CLASP1: variants seen among roughly 807,000 people sequenced by gnomAD.
CLASP1 encodes the protein CLIP-associating protein 1.
Under a neutral mutation model 192.3 loss-of-function variants are expected in CLASP1, and 38 were observed. The observed-to-expected ratio is 0.20, with a 90% CI of 0.15 to 0.26. The LOEUF is 0.26. Among genes scored for constraint, CLASP1 ranks in the 10% least tolerant of loss-of-function variants. CLASP1 has a pLI of 1.00. For synonymous variants in CLASP1, 691 were observed against 712.8 expected (o/e 0.97, Z 0.49); for missense variants, 1,433 against 1,932.5 (o/e 0.74, Z 4.85).
chr2:121,591,762 C>A (rs765702066), intron 2 of CLASP1, among the ~76,000 whole-genome samples: 22 of 152,162 alleles, frequency 1.4e-4, no homozygotes, highest in African/African-American at 5.1e-4. Context: ...ATCCACAAAG[C>A]TTTTAAGGAT....
At chr2:121,425,045 A>G in intron 22 of CLASP1, 94 bp downstream of exon 22, 1 of 1,261,272 alleles carries the variant, frequency 7.9e-7, no homozygotes, top group African/African-American at 1.5e-5. Context: ...CAAAAAATAG[A>G]TCTATATTTC....
chr2:121,561,812 A>G (rs557480593), intron 2 of CLASP1, among the ~76,000 whole-genome samples: 53 of 152,372 alleles, frequency 3.5e-4, no homozygotes, highest in African/African-American at 1.2e-3. Context: ...TGCCAAAGTT[A>G]GAGTTGATAC....
intron 39 of CLASP1, among the ~76,000 whole-genome samples, chr2:121,341,949 G>C (rs1203019826): frequency 6.6e-6 from 1 of 151,820 alleles, no homozygotes; most frequent in Admixed American, 6.6e-5. Flanking sequence ...AGTTTAAATA[G>C]ATTTAAAAAG....
intron 28 of CLASP1, among the ~76,000 whole-genome samples, chr2:121,400,265 C>T (rs2149454329): frequency 6.6e-6 from 1 of 152,078 alleles, no homozygotes; most frequent in African/African-American, 2.4e-5. Context: ...AAGTACATTA[C>T]TTTGAGTTCA....
intron 37 of CLASP1, among the ~76,000 whole-genome samples, chr2:121,349,441 A>C (rs191546454): frequency 3.2e-4 from 48 of 152,266 alleles, no homozygotes; most frequent in Non-Finnish European, 5.3e-4. Flanking sequence ...TAGACACACT[A>C]AAATTGGAGA....
intron 34 of CLASP1, among the ~76,000 whole-genome samples, chr2:121,372,795 A>G (rs959893879): frequency 2.0e-5 from 3 of 152,206 alleles, no homozygotes; most frequent in Non-Finnish European, 4.4e-5. Flanking sequence ...ACCAGGGTGA[A>G]GTCAAGGCAT....
rs368699058 is a variant in CLASP1, at chr2:121,365,184, G to C, written c.3987C>G (p.Leu1329=). Residue 1329 remains leucine, a synonymous_variant, in exon 36 of 40, where the codon CTC becomes CTG. Coordinates refer to ENST00000263710, the Ensembl canonical transcript of CLASP1. Reference sequence around the variant, plus strand: ...CAAGGCTGTCTTCCCGCGTGATCTTGAGCAGCTCCAGCAGGGCTCCCTTCC... The same window carrying C: ...CAAGGCTGTCTTCCCGCGTGATCTTCAGCAGCTCCAGCAGGGCTCCCTTCC... 945 of 1,613,840 alleles carry C rather than the reference G, an allele frequency of 5.9e-4. 5 individuals carry two copies. The highest frequency in any genetic ancestry group is 2.5e-4 in the East Asian group (11 of 44,868).
intron 2 of CLASP1, among the ~76,000 whole-genome samples, chr2:121,577,438 CTT>C (rs1160204837): frequency 6.6e-6 from 1 of 152,130 alleles, no homozygotes; most frequent in African/African-American, 2.4e-5. Flanking sequence ...ATCTGGCTAA[CTT>C]TTTACACTGA....
intron 1 of CLASP1, among the ~76,000 whole-genome samples, chr2:121,621,557 T>C (rs1308482600): frequency 1.3e-5 from 2 of 152,234 alleles, no homozygotes; most frequent in South Asian, 2.1e-4. Flanking sequence ...CCATCATTTG[T>C]TGAAAAAGAT....
At chr2:121,636,818 G>A (rs1012206174) in intron 1 of CLASP1, among the ~76,000 whole-genome samples, 18 of 152,076 alleles carry the variant, frequency 1.2e-4, no homozygotes, top group Admixed American at 2.6e-4. Flanking sequence ...AGATACTACC[G>A]TCAATCCCTA....
exon 30 of CLASP1, chr2:121,397,153 G>A: frequency 6.2e-7 from 1 of 1,613,820 alleles, no homozygotes; most frequent in Non-Finnish European, 8.5e-7. Flanking sequence ...TCTCACGTCT[G>A]AACTCTTTGG....
At chr2:121,548,270 C>T (rs893301225) in intron 2 of CLASP1, among the ~76,000 whole-genome samples, 1 of 152,124 alleles carries the variant, frequency 6.6e-6, no homozygotes, top group East Asian at 1.9e-4. Flanking sequence ...TTTCACAATG[C>T]AATGACAAGT....
At chr2:121,446,433 C>A (rs2084358151) in intron 19 of CLASP1, among the ~76,000 whole-genome samples, 1 of 152,152 alleles carries the variant, frequency 6.6e-6, no homozygotes, top group Admixed American at 6.5e-5. Flanking sequence ...TTCCAATGTT[C>A]AAAACATTTT....
At chr2:121,575,699 A>G (rs1347330376) in intron 2 of CLASP1, among the ~76,000 whole-genome samples, 1 of 152,238 alleles carries the variant, frequency 6.6e-6, no homozygotes, top group African/African-American at 2.4e-5. Context: ...AACTCAATAT[A>G]AAAACATGAA....
chr2:121,451,688 A>T (rs1171305807), intron 15 of CLASP1, 102 bp downstream of exon 15: 2 of 832,972 alleles, frequency 2.4e-6, no homozygotes, highest in Non-Finnish European at 3.9e-6. Context: ...ACAAACGCAT[A>T]TATTCCTCCA....
At chr2:121,500,397 A>AAAGAAAGAAAGG (rs1270963277) in intron 8 of CLASP1, among the ~76,000 whole-genome samples, 1 of 132,224 alleles carries the variant, frequency 7.6e-6, no homozygotes, top group East Asian at 2.5e-4. Flanking sequence ...AGAAAGAAAG[A>AAAGAAAGAAAGG]AAAGAAAGAA....
At chr2:121,556,358 G>A (rs1484699519) in intron 2 of CLASP1, among the ~76,000 whole-genome samples, 1 of 152,028 alleles carries the variant, frequency 6.6e-6, no homozygotes, top group Admixed American at 6.6e-5. Context: ...GGGCTCCCCA[G>A]CTTGGGTAAG....
intron 2 of CLASP1, among the ~76,000 whole-genome samples, chr2:121,586,036 T>C (rs971513228): frequency 6.6e-6 from 1 of 152,200 alleles, no homozygotes; most frequent in African/African-American, 2.4e-5. Context: ...CTTGCTCCTT[T>C]AGTTAAAGAT....
At chr2:121,365,026 A>T in intron 36 of CLASP1, 68 bp downstream of exon 37, 1 of 1,422,122 alleles carries the variant, frequency 7.0e-7, no homozygotes, top group Non-Finnish European at 9.9e-7. Context: ...AGCTAAGCCC[A>T]ATAAGAAAAG....
Sources: gnomAD v4.1 joint callset for allele counts (sites outside exome capture counted in the v4.1 genomes callset) on GRCh38, gnomAD v4.1.1 for gene constraint, MANE v1.5 for transcripts, NCBI Gene and HGNC (gene_info 2026-07-23, HGNC 2026-07-21) for gene names.